Variants in MKRN2OS observed in about 807,000 individuals in gnomAD.
MKRN2OS encodes the protein MKRN2 opposite strand.
In MKRN2OS, 17 loss-of-function variants were observed where a neutral mutation model predicts 18.2. The ratio of observed to expected loss-of-function variants is 0.93; its 90% CI spans 0.64 to 1.40. The LOEUF (loss-of-function observed/expected upper bound fraction) is 1.40, where lower values mean the gene tolerates loss of function less well. Ranked by LOEUF, MKRN2OS falls within the 40% of genes most tolerant of loss-of-function variation. The pLI, the probability that MKRN2OS is intolerant of heterozygous loss-of-function variation, is 0.00. For synonymous variants in MKRN2OS, 121 were observed against 108.5 expected (o/e 1.12, Z -0.72); for missense variants, 337 against 283.0 (o/e 1.19, Z -1.37).
intron 2 of MKRN2OS, 134 bp downstream of exon 2, chr3:12,543,046 A>T (rs2057837179): frequency 1.7e-6 from 1 of 605,878 alleles, no homozygotes; most frequent in Non-Finnish European, 2.7e-6. Context: ...GGCAATGCCT[A>T]CCTCATGGTG....
chr3:12,553,016 C>CA (rs371579378), downstream of MKRN2OS, among the ~76,000 whole-genome samples: 5,152 of 101,888 alleles, frequency 0.051, 349 homozygotes, highest in African/African-American at 0.19. Flanking sequence ...ACCCGGTCTC[C>CA]AAAAAAAAAA....
intron 1 of MKRN2OS, chr3:12,560,615 T>A (rs975775834): frequency 6.6e-6 from 1 of 152,312 alleles, no homozygotes; most frequent in African/African-American, 2.4e-5. Flanking sequence ...TTAGCACTGC[T>A]GCTGCTGGAG....
Position 12,557,257 on chromosome 3 carries a change from G to A in MKRN2OS, n.265-3123C>T, listed in dbSNP as rs912243077. ...GGTGCGCGCCAGTGCTGTGGTCCGGGAACCTGAGGCTAGAGCGGGACTCGG... is the reference window on the plus strand; with the variant it reads ...GGTGCGCGCCAGTGCTGTGGTCCGGAAACCTGAGGCTAGAGCGGGACTCGG... On this transcript the variant is annotated intron_variant and non_coding_transcript_variant, in intron 1 of 1. Coordinates refer to the MKRN2OS transcript ENST00000447550. 4.7e-6 allele frequency: 7 copies of A among 1,495,796 alleles called. No homozygotes were observed. In the African/African-American group the frequency reaches 8.7e-5, roughly 18 times the overall value. 92.7% of individuals were successfully genotyped at this position (1,495,796 alleles called of 1,614,324 possible). A position where few individuals can be genotyped will look rare whatever the true frequency, so the allele number is the denominator to read the frequency against.
In MKRN2OS at chr3:12,540,004, C is replaced by G; in HGVS notation, c.*189G>C. ...TTCTCCATGTTGGTCAGGCTGGTCT[C>G]AAACTCCCAACCTCAGGTGACCTAC... On this transcript the variant is annotated 3_prime_UTR_variant, in exon 4 of 4. Transcript: ENST00000564146. 1.4e-6 allele frequency: 1 copy of G among 736,914 alleles called. No individual in the cohort carries two copies. Among genetic ancestry groups the G allele is most frequent in the South Asian group, 1.8e-5 (1 of 54,078 alleles). 45.6% of individuals were successfully genotyped at this position (736,914 alleles called of 1,614,324 possible). A position where few individuals can be genotyped will look rare whatever the true frequency, so the allele number is the denominator to read the frequency against.
chr3:12,542,004 CTGT>C lies in MKRN2OS; in HGVS notation c.284_286del (p.Tyr95_Ser96delinsCys). 2.0e-6 allele frequency: 3 copies of C among 1,535,790 alleles called. No homozygotes were observed. The South Asian group carries it at 3.6e-5, about 18-fold the overall frequency. On this transcript the variant is annotated inframe_deletion, in exon 3 of 4. Transcript: ENST00000564146. ...TCCGTCTCGCTGGACACCATGTGCA[CTGT>C]AATTATACACAACCCCTGCAAATCA... is the stretch of plus-strand genomic sequence containing the variant.
chr3:12,552,192 G>A (rs935082821), downstream of MKRN2OS, among the ~76,000 whole-genome samples: 1 of 151,340 alleles, frequency 6.6e-6, no homozygotes, highest in African/African-American at 2.4e-5. Context: ...GGTGGTGGGC[G>A]CCTGTAATCC....
intron 3 of MKRN2OS, among the ~76,000 whole-genome samples, chr3:12,540,877 C>CAAAAA (rs11369647): frequency 0.018 from 1,052 of 59,616 alleles, 15 homozygotes; most frequent in Non-Finnish European, 0.026. Flanking sequence ...GACTCCATCT[C>CAAAAA]AAAAAAAAAA....
chr3:12,540,869 C>G (rs1195682815), intron 3 of MKRN2OS, among the ~76,000 whole-genome samples: 2 of 120,780 alleles, frequency 1.7e-5, no homozygotes, highest in African/African-American at 6.8e-5. Flanking sequence ...GTGAGTAAGA[C>G]TCCATCTCAA....
downstream of MKRN2OS, among the ~76,000 whole-genome samples, chr3:12,553,331 T>C (rs1444205787): frequency 6.6e-6 from 1 of 152,140 alleles, no homozygotes; most frequent in Admixed American, 6.6e-5. Context: ...ATGTGGGGTT[T>C]ATCCTGAGCA....
At position 12,540,041 on chromosome 3, in the gene MKRN2OS, T is replaced by G; in HGVS notation, c.*152A>C. The G allele has an allele frequency of 8.6e-7, 1 of 1,168,916 alleles. No individual in the cohort carries two copies. Among genetic ancestry groups the G allele is most frequent in the Non-Finnish European group, 1.2e-6 (1 of 843,662 alleles). The allele number at this position is 1,168,916 out of a possible 1,614,324, so 72.4% of individuals were successfully genotyped here. Reference sequence around the variant, plus strand: ...CTCAGGTGACCTACCTGTCTTAGCTTCCCAAAGTGCTGGGATTACAGGTGT... The same window carrying G: ...CTCAGGTGACCTACCTGTCTTAGCTGCCCAAAGTGCTGGGATTACAGGTGT... On this transcript the variant is annotated 3_prime_UTR_variant, in exon 4 of 4. Transcript: ENST00000564146.
chr3:12,546,901 C>T (rs2057889995), upstream of MKRN2OS, among the ~76,000 whole-genome samples: 1 of 152,082 alleles, frequency 6.6e-6, no homozygotes, highest in African/African-American at 2.4e-5. Context: ...TTGATACAGG[C>T]ATACAATGTG....
Position 12,543,236 on chromosome 3 carries a change from G to A in MKRN2OS, c.219-7C>T. 6.5e-7 allele frequency: 1 copy of A among 1,529,376 alleles called. No homozygotes were observed. The highest frequency in any genetic ancestry group is 8.7e-7 in the Non-Finnish European group (1 of 1,144,720). 94.7% of individuals were successfully genotyped at this position (1,529,376 alleles called of 1,614,324 possible). ...AGACCTTCCATCATACTCTCTGAAAGAAACAAGGTTTGTTTTTTTTTGGTT... is the reference window on the plus strand; with the variant it reads ...AGACCTTCCATCATACTCTCTGAAAAAAACAAGGTTTGTTTTTTTTTGGTT... On this transcript the variant is annotated splice_polypyrimidine_tract_variant and splice_region_variant and intron_variant, in intron 1 of 3. Transcript: ENST00000564146.
downstream of MKRN2OS, among the ~76,000 whole-genome samples, chr3:12,552,039 G>C (rs1289942270): frequency 2.0e-5 from 3 of 151,906 alleles, no homozygotes; most frequent in African/African-American, 4.8e-5. Context: ...AACAAAGAAG[G>C]CTGGGCACGG....
upstream of MKRN2OS, chr3:12,545,538 A>G: frequency 9.5e-6 from 11 of 1,154,680 alleles, no homozygotes; most frequent in Non-Finnish European, 1.3e-5. Context: ...TGGCGAATGC[A>G]CACCGCCCCA....
intron 1 of MKRN2OS, among the ~76,000 whole-genome samples, chr3:12,554,620 A>G (rs553108047): frequency 1.5e-4 from 23 of 152,132 alleles, no homozygotes; most frequent in Non-Finnish European, 2.9e-4. Context: ...TACAAGGCTG[A>G]TGAAATAACT....
At chr3:12,554,234 C>T (rs2057949500) in intron 1 of MKRN2OS, 1 of 152,168 alleles carries the variant, frequency 6.6e-6, no homozygotes, top group African/African-American at 2.4e-5. Flanking sequence ...TCTGCCAGCG[C>T]GGGTTCCCTG....
chr3:12,546,746 T>G (rs6772820), upstream of MKRN2OS, among the ~76,000 whole-genome samples: 1,050 of 151,834 alleles, frequency 6.9e-3, 6 homozygotes, highest in African/African-American at 0.024. Flanking sequence ...CCCAGCTAAT[T>G]TTTGTACTTT....
At chr3:12,558,911 A>T (rs1482481424) in intron 1 of MKRN2OS, among the ~76,000 whole-genome samples, 1 of 152,218 alleles carries the variant, frequency 6.6e-6, no homozygotes, top group Non-Finnish European at 1.5e-5. Context: ...TCTTCCACAG[A>T]TCGTAAAACT....
chr3:12,541,858 A>G lies in MKRN2OS; in HGVS notation c.431+2T>C. The stretch of plus-strand genomic sequence containing the variant: ...GAGGGGGCAGCATTTGCAGTCGTGT[A>G]CCTGTGAGGCAGCCAGGCCCCCGAG... On this transcript the variant is annotated splice_donor_variant, in intron 3 of 3. Transcript: ENST00000564146. LOFTEE classifies it high-confidence loss of function. 2 of 1,535,168 alleles carry G rather than the reference A, an allele frequency of 1.3e-6. No individual in the cohort carries two copies. Among genetic ancestry groups the G allele is most frequent in the Non-Finnish European group, 1.7e-6 (2 of 1,146,644 alleles).
Sources: gnomAD v4.1 joint callset for allele counts (sites outside exome capture counted in the v4.1 genomes callset) on GRCh38, gnomAD v4.1.1 for gene constraint, MANE v1.5 for transcripts, NCBI Gene and HGNC (gene_info 2026-07-23, HGNC 2026-07-21) for gene names.